Variants in CDKAL1 observed in about 807,000 individuals in gnomAD.
The protein encoded by CDKAL1 is CDKAL1 threonylcarbamoyladenosine tRNA methylthiotransferase, also known as threonylcarbamoyladenosine tRNA methylthiotransferase.
Under a neutral mutation model 68.2 loss-of-function variants are expected in CDKAL1, and 32 were observed. That is an observed-to-expected ratio of 0.47 (90% confidence interval 0.35 to 0.63). CDKAL1 has a LOEUF of 0.63. Ranked by LOEUF, CDKAL1 falls within the 30% of genes least tolerant of loss-of-function variation. The pLI is 0.00. For synonymous variants in CDKAL1, 234 were observed against 244.3 expected (o/e 0.96, Z 0.39); for missense variants, 606 against 696.7 (o/e 0.87, Z 1.47).
chr6:20,812,401 C>A (rs1272584738), intron 8 of CDKAL1, among the ~76,000 whole-genome samples: 1 of 152,202 alleles, frequency 6.6e-6, no homozygotes, highest in Non-Finnish European at 1.5e-5. Flanking sequence ...ATTATTTTGA[C>A]ATGCTGTCAG....
intron 9 of CDKAL1, among the ~76,000 whole-genome samples, chr6:20,936,738 A>C (rs1285058901): frequency 6.6e-6 from 1 of 152,184 alleles, no homozygotes; most frequent in Non-Finnish European, 1.5e-5. Flanking sequence ...TTTAAAGAAA[A>C]ATGTGTTCAT....
At chr6:21,143,947 A>T (rs1776043359) in intron 13 of CDKAL1, among the ~76,000 whole-genome samples, 1 of 152,060 alleles carries the variant, frequency 6.6e-6, no homozygotes, top group Non-Finnish European at 1.5e-5. Context: ...TCTGCTGTAA[A>T]GTGGGAGTAG....
At chr6:20,720,687 A>G (rs1288195384) in intron 5 of CDKAL1, among the ~76,000 whole-genome samples, 1 of 152,120 alleles carries the variant, frequency 6.6e-6, no homozygotes, top group African/African-American at 2.4e-5. Flanking sequence ...TTTAGTAGAG[A>G]CAGGGTTTCA....
intron 8 of CDKAL1, among the ~76,000 whole-genome samples, chr6:20,832,057 G>C (rs1777742060): frequency 6.6e-6 from 1 of 152,152 alleles, no homozygotes. Context: ...TGGGCCAAAT[G>C]TGTTGTTGAT....
intron 15 of CDKAL1, among the ~76,000 whole-genome samples, chr6:21,227,160 G>A (rs1031597280): frequency 3.9e-5 from 6 of 152,314 alleles, no homozygotes; most frequent in African/African-American, 7.2e-5. Context: ...CTAGAACTAC[G>A]CTTGTCGTGT....
At chr6:20,712,504 G>GA (rs372310205) in intron 5 of CDKAL1, among the ~76,000 whole-genome samples, 3,069 of 100,400 alleles carry the variant, frequency 0.031, 63 homozygotes, top group African/African-American at 0.074. Context: ...TGATGTGTTA[G>GA]AAAAAAAAAA....
At chr6:20,642,987 C>G (rs1215769715) in intron 4 of CDKAL1, among the ~76,000 whole-genome samples, 2 of 152,168 alleles carry the variant, frequency 1.3e-5, no homozygotes, top group Non-Finnish European at 2.9e-5. Flanking sequence ...TTCCATCTGT[C>G]TAGCCTGAAG....
rs146294313 is a variant in CDKAL1 at position 20,970,382 on chromosome 6, T to G, written c.909+14797T>G. Among the ~76,000 whole-genome samples, 433 of 152,294 alleles carry G rather than the reference T, an allele frequency of 2.8e-3. 2 individuals carry two copies. The highest frequency in any genetic ancestry group is 1.0e-2 in the African/African-American group (414 of 41,550). The stretch of plus-strand genomic sequence containing the variant: ...AACACCACCCAGATTGCTGCAAACC[T>G]TTAGTTAATTTCCAGAGTTCTGAAA... On this transcript the variant is annotated intron_variant, in intron 10 of 15. Transcript: ENST00000274695.
At chr6:20,624,757 G>A (rs918481306) in intron 4 of CDKAL1, among the ~76,000 whole-genome samples, 5 of 152,016 alleles carry the variant, frequency 3.3e-5, no homozygotes, top group African/African-American at 1.2e-4. Flanking sequence ...TTTTACATAA[G>A]CTTCTGTATT....
intron 10 of CDKAL1, among the ~76,000 whole-genome samples, chr6:20,972,571 C>T (rs542352852): frequency 6.6e-6 from 1 of 152,318 alleles, no homozygotes; most frequent in South Asian, 2.1e-4. Context: ...TTCCACCAGC[C>T]TAGCCCACGT....
At chr6:21,144,118 T>TA (rs898357686) in intron 13 of CDKAL1, among the ~76,000 whole-genome samples, 10 of 152,242 alleles carry the variant, frequency 6.6e-5, no homozygotes, top group Non-Finnish European at 1.3e-4. Context: ...TCATGTTAGT[T>TA]ACTTTCATTT....
At chr6:20,790,799 G>T (rs966467564) in intron 8 of CDKAL1, among the ~76,000 whole-genome samples, 1 of 152,192 alleles carries the variant, frequency 6.6e-6, no homozygotes, top group Non-Finnish European at 1.5e-5. Context: ...CTGTAGTTGG[G>T]TGGTTTCTCT....
chr6:20,865,826 G>A (rs767990496), intron 9 of CDKAL1, among the ~76,000 whole-genome samples: 11 of 152,076 alleles, frequency 7.2e-5, no homozygotes, highest in Non-Finnish European at 1.0e-4. Flanking sequence ...GGTCTCCAGC[G>A]TACCCATCAC....
intron 9 of CDKAL1, among the ~76,000 whole-genome samples, chr6:20,911,768 C>T (rs964723527): frequency 6.6e-6 from 1 of 152,194 alleles, no homozygotes; most frequent in East Asian, 1.9e-4. Flanking sequence ...CTTCCCCAAC[C>T]TCTGAGATTT....
At chr6:20,627,040 G>A (rs1005892099) in intron 4 of CDKAL1, among the ~76,000 whole-genome samples, 1 of 152,202 alleles carries the variant, frequency 6.6e-6, no homozygotes, top group East Asian at 1.9e-4. Flanking sequence ...TCTTCGGCTA[G>A]CCCAAATCCG....
chr6:21,191,255 G>T (rs1441951851), intron 13 of CDKAL1, among the ~76,000 whole-genome samples: 3 of 152,178 alleles, frequency 2.0e-5, no homozygotes, highest in East Asian at 1.9e-4. Context: ...CATTCATTCA[G>T]CAACCAAATT....
At chr6:21,158,462 A>G (rs138905231) in intron 13 of CDKAL1, among the ~76,000 whole-genome samples, 1 of 152,132 alleles carries the variant, frequency 6.6e-6, no homozygotes, top group African/African-American at 2.4e-5. Context: ...CTGCTTTGCC[A>G]GGGGGTGGGT....
rs1215983437 is a variant in CDKAL1 at position 20,943,347 on chromosome 6, A to G, written c.743-12072A>G. ...TTTTTTCAAAAAAAAAAAAAAAAGA[A>G]AAAGAAAAAAAGAAAAAAAAAGTAA... On this transcript the variant is annotated intron_variant, in intron 9 of 15. Coordinates refer to ENST00000274695, the MANE Select transcript of CDKAL1 (RefSeq NM_017774.3). Among the ~76,000 whole-genome samples, 53 of 12,854 alleles carry G rather than the reference A, an allele frequency of 4.1e-3. No individual in the cohort carries two copies. The Admixed American group carries it at 0.053, about 13-fold the overall frequency. 8.4% of individuals were successfully genotyped at this position (12,854 alleles called of 152,430 possible).
chr6:21,000,673 A>G (rs935920036), intron 11 of CDKAL1, among the ~76,000 whole-genome samples: 3 of 152,198 alleles, frequency 2.0e-5, no homozygotes, highest in Non-Finnish European at 4.4e-5. Flanking sequence ...AAACTGCTTT[A>G]GCTTTGCTCT....
Sources: gnomAD v4.1 joint callset for allele counts (sites outside exome capture counted in the v4.1 genomes callset) on GRCh38, gnomAD v4.1.1 for gene constraint, MANE v1.5 for transcripts, NCBI Gene and HGNC (gene_info 2026-07-23, HGNC 2026-07-21) for gene names.